Variants in COL24A1 observed in about 807,000 individuals in gnomAD.
The protein encoded by COL24A1 is collagen alpha-1(XXIV) chain.
COL24A1 carries 224 observed loss-of-function variants against 253.9 expected under a neutral mutation model. That is an observed-to-expected ratio of 0.88 (90% CI 0.79 to 0.99). The LOEUF is 0.99. COL24A1 is among the 50% of genes least tolerant of loss of function. The pLI is 0.00. For missense variants in COL24A1, 2,131 were observed against 2,068.5 expected (o/e 1.03, Z -0.59); for synonymous variants, 685 against 673.7 (o/e 1.02, Z -0.26).
chr1:85,861,160 C>A (rs558630163), intron 37 of COL24A1, among the ~76,000 whole-genome samples: 1 of 152,218 alleles, frequency 6.6e-6, no homozygotes, highest in African/African-American at 2.4e-5. Flanking sequence ...CTCATTAACA[C>A]TAACCATCCT....
chr1:85,774,056 G>C (rs1668267114), intron 53 of COL24A1, among the ~76,000 whole-genome samples: 1 of 151,984 alleles, frequency 6.6e-6, no homozygotes, highest in Non-Finnish European at 1.5e-5. Flanking sequence ...CTGATATCTG[G>C]TTTACTGAGA....
chr1:85,940,508 G>A (rs1019201227), intron 24 of COL24A1, among the ~76,000 whole-genome samples: 4 of 151,048 alleles, frequency 2.6e-5, no homozygotes, highest in African/African-American at 7.3e-5. Context: ...TACATGCAAG[G>A]CATGCTAAAT....
chr1:85,940,522 G>A (rs1255899558), intron 24 of COL24A1, among the ~76,000 whole-genome samples: 3 of 147,540 alleles, frequency 2.0e-5, no homozygotes, highest in Admixed American at 6.8e-5. Context: ...GCTAAATAAT[G>A]TAAAATGTTT....
intron 43 of COL24A1, among the ~76,000 whole-genome samples, chr1:85,835,775 G>T (rs1675933856): frequency 6.6e-6 from 1 of 152,138 alleles, no homozygotes; most frequent in African/African-American, 2.4e-5. Flanking sequence ...TGAGTATGGG[G>T]CTTCCTTTTG....
chr1:85,887,186 T>C (rs981856306), intron 32 of COL24A1, among the ~76,000 whole-genome samples: 3 of 152,178 alleles, frequency 2.0e-5, no homozygotes, highest in African/African-American at 7.2e-5. Context: ...ATTCCCCTTG[T>C]TCCCTCTTTA....
intron 24 of COL24A1, among the ~76,000 whole-genome samples, chr1:85,939,231 T>C (rs1039473797): frequency 2.6e-5 from 4 of 152,186 alleles, no homozygotes; most frequent in African/African-American, 9.6e-5. Flanking sequence ...GAATCTCTTC[T>C]TAACCAAAAT....
chr1:86,004,612 T>G (rs1695759663), intron 19 of COL24A1, among the ~76,000 whole-genome samples: 1 of 152,128 alleles, frequency 6.6e-6, no homozygotes, highest in African/African-American at 2.4e-5. Context: ...GGATGAACAT[T>G]TGGGTCTAAA....
At chr1:86,053,245 AAAAAG>A (rs1255247252) in intron 10 of COL24A1, among the ~76,000 whole-genome samples, 1 of 152,074 alleles carries the variant, frequency 6.6e-6, no homozygotes, top group African/African-American at 2.4e-5. Flanking sequence ...GGTTATAAAT[AAAAAG>A]AAAAGACACT....
chr1:86,150,476 A>C (rs1482053093), intron 1 of COL24A1, among the ~76,000 whole-genome samples: 3 of 152,334 alleles, frequency 2.0e-5, no homozygotes, highest in Middle Eastern at 6.8e-3. Context: ...AAAATAAAAT[A>C]AAATACAGGC....
intron 32 of COL24A1, among the ~76,000 whole-genome samples, chr1:85,879,532 C>T (rs1406471269): frequency 6.6e-6 from 1 of 152,132 alleles, no homozygotes; most frequent in African/African-American, 2.4e-5. Flanking sequence ...GTGCCAACCT[C>T]CTGCAGAGTT....
intron 7 of COL24A1, among the ~76,000 whole-genome samples, chr1:86,081,000 TAA>T (rs952435414): frequency 6.6e-6 from 1 of 152,174 alleles, no homozygotes; most frequent in Non-Finnish European, 1.5e-5. Flanking sequence ...ATATTTTTGT[TAA>T]AGTGTTAAAA....
At chr1:85,735,132 T>G (rs142536130) in intron 58 of COL24A1, among the ~76,000 whole-genome samples, 168 bp from the exon 59 acceptor site, 1 of 152,298 alleles carries the variant, frequency 6.6e-6, no homozygotes, top group Non-Finnish European at 1.5e-5. Flanking sequence ...CACTGCTTCT[T>G]GGAGGAAAAA....
intron 37 of COL24A1, among the ~76,000 whole-genome samples, chr1:85,859,041 T>C (rs1164453757): frequency 2.6e-5 from 4 of 152,156 alleles, no homozygotes; most frequent in South Asian, 4.1e-4. Context: ...TCAATCTTTA[T>C]TTCCTTCACA....
At chr1:86,062,893 C>T (rs1247781121) in intron 8 of COL24A1, among the ~76,000 whole-genome samples, 1 of 151,998 alleles carries the variant, frequency 6.6e-6, no homozygotes, top group African/African-American at 2.4e-5. Flanking sequence ...GGCTTTGTTT[C>T]TTCATTTATA....
intron 2 of COL24A1, among the ~76,000 whole-genome samples, chr1:86,130,359 A>G (rs1648972329): frequency 1.3e-5 from 2 of 151,826 alleles, no homozygotes. Flanking sequence ...TGCTAATATT[A>G]TGGTTTGTTT....
At position 86,135,949 on chromosome 1, in the gene COL24A1, G is replaced by A. The variant is rs559288741; in HGVS notation, c.122-9735C>T. Among the ~76,000 whole-genome samples the A allele has an allele frequency of 2.6e-5, 4 of 152,142 alleles. 1 individual carries two copies. On this transcript the variant is annotated intron_variant, in intron 2 of 59. Transcript: ENST00000370571. ...TAGAAAGATGCTGGCAGAAGAAGAGGATGGGCTGTGACTTCCAAGTCTCAA... is the reference window on the plus strand; with the variant it reads ...TAGAAAGATGCTGGCAGAAGAAGAGAATGGGCTGTGACTTCCAAGTCTCAA...
At chr1:86,148,468 G>T (rs12068500) in intron 1 of COL24A1, among the ~76,000 whole-genome samples, 12,996 of 151,938 alleles carry the variant, frequency 0.086, 645 homozygotes, top group East Asian at 0.22. Flanking sequence ...CATCTAGCAT[G>T]AGGTATATCT....
At chr1:86,148,846 G>A (rs1362021820) in intron 1 of COL24A1, among the ~76,000 whole-genome samples, 2 of 152,062 alleles carry the variant, frequency 1.3e-5, no homozygotes, top group African/African-American at 4.8e-5. Context: ...ATGATTTATA[G>A]TCCTTTGGAT....
At chr1:85,934,291 G>C (rs916900377) in intron 24 of COL24A1, among the ~76,000 whole-genome samples, 4 of 152,130 alleles carry the variant, frequency 2.6e-5, no homozygotes, top group Non-Finnish European at 4.4e-5. Flanking sequence ...AAAGTAGACT[G>C]CACACTTCAG....
Sources: allele counts gnomAD v4.1 joint callset (sites outside exome capture counted in the v4.1 genomes callset), GRCh38; gene constraint gnomAD v4.1.1; transcripts MANE v1.5; gene names NCBI Gene and HGNC (gene_info 2026-07-23, HGNC 2026-07-21).